ZNF93: variants seen among roughly 807,000 people sequenced by gnomAD.
The protein encoded by ZNF93 is zinc finger protein 93, also known as zinc finger protein 505.
In ZNF93, 29 loss-of-function variants were observed where a neutral mutation model predicts 45.0. The ratio of observed to expected loss-of-function variants is 0.64; its 90% CI spans 0.48 to 0.88. ZNF93 has a LOEUF of 0.88. Among genes scored for constraint, ZNF93 ranks in the 40% least tolerant of loss-of-function variants. ZNF93 has a pLI of 0.00. For missense variants in ZNF93, 578 were observed against 724.0 expected (o/e 0.80, Z 2.31); for synonymous variants, 223 against 244.6 (o/e 0.91, Z 0.82).
intron 3 of ZNF93, among the ~76,000 whole-genome samples, chr19:19,924,940 A>G (rs1171506768): frequency 6.6e-6 from 1 of 152,220 alleles, no homozygotes; most frequent in Non-Finnish European, 1.5e-5. Flanking sequence ...ACTGTGGTTC[A>G]GGCAACTGAA....
chr19:19,907,436 G>A (rs1037602753), intron 1 of ZNF93, among the ~76,000 whole-genome samples: 1 of 152,162 alleles, frequency 6.6e-6, no homozygotes, highest in African/African-American at 2.4e-5. Flanking sequence ...ACTGAACAGT[G>A]GAGTCTGTAG....
intron 1 of ZNF93, chr19:19,909,481 C>T (rs147593234): frequency 2.0e-5 from 3 of 152,226 alleles, no homozygotes; most frequent in Admixed American, 1.3e-4. Flanking sequence ...AATTAGTATA[C>T]ACAGATGGCC....
At chr19:19,930,028 C>T (rs1352301155) in intron 3 of ZNF93, among the ~76,000 whole-genome samples, 1 of 151,402 alleles carries the variant, frequency 6.6e-6, no homozygotes, top group Non-Finnish European at 1.5e-5. Context: ...GGACCACTAC[C>T]ACCAAGACGT....
intron 1 of ZNF93, among the ~76,000 whole-genome samples, chr19:19,904,740 GCTGTCACGCTGCCCATTGT>G (rs2063287453): frequency 6.6e-6 from 1 of 151,614 alleles, no homozygotes; most frequent in African/African-American, 2.4e-5. Flanking sequence ...CTCTACACAG[GCTGTCACGCTGCCCATTGT>G]CCTGAAATTC....
chr19:19,934,918 GCA>G lies in ZNF93; in HGVS notation c.*103_*104del. 1 of 1,296,600 alleles carries G rather than the reference GCA, an allele frequency of 7.7e-7. No homozygotes were observed. Among genetic ancestry groups the G allele is most frequent in the Admixed American group, 2.5e-5 (1 of 39,862 alleles). 80.3% of individuals were successfully genotyped at this position (1,296,600 alleles called of 1,614,324 possible). ...TGTAACCATCCCAAACTCCTCCCAGGCACAGTCTGGCAGAGGTCCTGCCATTT... is the reference window on the plus strand; with the variant it reads ...TGTAACCATCCCAAACTCCTCCCAGGCAGTCTGGCAGAGGTCCTGCCATTT... On this transcript the variant is annotated 3_prime_UTR_variant, in exon 4 of 4. Coordinates refer to ENST00000343769, the MANE Select transcript of ZNF93 (RefSeq NM_031218.4).
chr19:19,901,032 A>G lies in ZNF93; in HGVS notation c.-57A>G. The G allele has an allele frequency of 6.2e-7, 1 of 1,607,438 alleles. No individual in the cohort carries two copies. On this transcript the variant is annotated 5_prime_UTR_variant, in exon 1 of 4. Coordinates refer to ENST00000343769, the MANE Select transcript of ZNF93 (RefSeq NM_031218.4). ...CAGGCCCAGCCTCTGTGGCCCTGTG[A>G]CCTGCAGGTATTGGGAGATCCACAG... is the stretch of plus-strand genomic sequence containing the variant.
At chr19:19,903,980 A>G (rs2122159228) in intron 1 of ZNF93, among the ~76,000 whole-genome samples, 1 of 149,598 alleles carries the variant, frequency 6.7e-6, no homozygotes, top group South Asian at 2.1e-4. Flanking sequence ...AATTGCTTGA[A>G]CCCTGCAGGC....
intron 3 of ZNF93, chr19:19,926,160 A>G (rs1417578299): frequency 6.7e-6 from 1 of 149,566 alleles, no homozygotes; most frequent in Non-Finnish European, 1.5e-5. Context: ...GCTCACTGCA[A>G]CCTCCACCTC....
At position 19,916,513 on chromosome 19, in the gene ZNF93, T is replaced by C. The variant is rs566270619; in HGVS notation, c.131-47T>C. ...TGCTGAGCACATTACTAGCTTGTAA[T>C]TGGAGAATATGAGCAAGATTCATGT... On this transcript the variant is annotated intron_variant, in intron 2 of 3. Transcript: ENST00000343769. 2.7e-6 allele frequency: 4 copies of C among 1,489,790 alleles called. No homozygotes were observed. In the South Asian group the frequency reaches 4.6e-5, roughly 17 times the overall value. 92.3% of individuals were successfully genotyped at this position (1,489,790 alleles called of 1,614,324 possible). A position where few individuals can be genotyped will look rare whatever the true frequency, so the allele number is the denominator to read the frequency against.
At position 19,900,981 on chromosome 19, in the gene ZNF93, T is replaced by A. The variant is rs965966815; in HGVS notation, c.-108T>A. 3 of 1,549,598 alleles carry A rather than the reference T, an allele frequency of 1.9e-6. No individual in the cohort carries two copies. The African/African-American group carries it at 4.1e-5, about 21-fold the overall frequency. The stretch of plus-strand genomic sequence containing the variant: ...GCAGCCGGAGCTCCAGGTCTCCTCT[T>A]CACTACTCTGTGTCCTGTGCTCCTA... On this transcript the variant is annotated 5_prime_UTR_variant, in exon 1 of 4. Transcript: ENST00000343769.
intron 3 of ZNF93, among the ~76,000 whole-genome samples, chr19:19,918,177 A>C (rs1200163772): frequency 1.4e-5 from 2 of 141,760 alleles, no homozygotes; most frequent in East Asian, 2.1e-4. Context: ...TTCAATTCCC[A>C]CCTATGAATG....
At chr19:19,918,621 C>G (rs1176235646) in intron 3 of ZNF93, among the ~76,000 whole-genome samples, 1 of 152,134 alleles carries the variant, frequency 6.6e-6, no homozygotes, top group Non-Finnish European at 1.5e-5. Flanking sequence ...CTGTTGTTTC[C>G]TGACTTTTTA....
chr19:19,923,757 CTG>C (rs1236259113), intron 3 of ZNF93, among the ~76,000 whole-genome samples: 2 of 152,218 alleles, frequency 1.3e-5, no homozygotes, highest in Non-Finnish European at 2.9e-5. Context: ...TTTGCTAAGA[CTG>C]TCAGAAAAGT....
At chr19:19,923,070 T>A (rs2063346331) in intron 3 of ZNF93, among the ~76,000 whole-genome samples, 1 of 152,212 alleles carries the variant, frequency 6.6e-6, no homozygotes, top group Admixed American at 6.5e-5. Flanking sequence ...TGGTTTTATC[T>A]ACCTTTGGTC....
Position 19,911,875 on chromosome 19 carries a change from G to A in ZNF93, c.4-3405G>A, listed in dbSNP as rs538842466. Among the ~76,000 whole-genome samples the A allele has an allele frequency of 3.3e-4, 50 of 151,750 alleles. No homozygotes were observed. In the South Asian group the frequency reaches 7.3e-3, roughly 22 times the overall value. ...GGTGACTTTCCCTTCTCAGCCTCCC[G>A]AGTAGCTGGGATTACAGTTGCCTGC... On this transcript the variant is annotated intron_variant, in intron 1 of 3. Transcript: ENST00000343769.
intron 3 of ZNF93, among the ~76,000 whole-genome samples, chr19:19,919,124 T>C (rs1229294430): frequency 3.9e-5 from 6 of 152,344 alleles, no homozygotes; most frequent in Non-Finnish European, 8.8e-5. Context: ...TGAATTAATT[T>C]TTGTATAAGG....
At chr19:19,902,591 C>G (rs1280278020) in intron 1 of ZNF93, among the ~76,000 whole-genome samples, 1 of 151,410 alleles carries the variant, frequency 6.6e-6, no homozygotes, top group Non-Finnish European at 1.5e-5. Context: ...TTAGCTTTTT[C>G]TGGGGAGCCT....
chr19:19,918,154 A>G (rs995187574), intron 3 of ZNF93, among the ~76,000 whole-genome samples: 2 of 151,474 alleles, frequency 1.3e-5, no homozygotes, highest in African/African-American at 4.9e-5. Flanking sequence ...CCTGTGTCCA[A>G]GTGTTCTCAT....
At chr19:19,907,514 C>A (rs1196659035) in intron 1 of ZNF93, among the ~76,000 whole-genome samples, 1 of 151,788 alleles carries the variant, frequency 6.6e-6, no homozygotes, top group Non-Finnish European at 1.5e-5. Flanking sequence ...TTGCAGACAA[C>A]CTGCATTCAT....
Sources: gnomAD v4.1 joint callset for allele counts (sites outside exome capture counted in the v4.1 genomes callset) on GRCh38, gnomAD v4.1.1 for gene constraint, MANE v1.5 for transcripts, NCBI Gene and HGNC (gene_info 2026-07-23, HGNC 2026-07-21) for gene names.